The following CPZ variants were observed in gnomAD, a reference collection of about 807,000 sequenced individuals.
CPZ encodes VEZT/CPZ fusion.
In CPZ, 103 loss-of-function variants were observed where a neutral mutation model predicts 61.8. The ratio of observed to expected loss-of-function variants is 1.67; its 90% CI spans 1.42 to 1.96. The LOEUF (loss-of-function observed/expected upper bound fraction) is 1.96, where lower values mean the gene tolerates loss of function less well. CPZ is among the 30% of genes most tolerant of loss of function. The pLI is 0.00. For missense variants in CPZ, 1,461 were observed against 914.9 expected (o/e 1.60, Z -7.70); for synonymous variants, 551 against 373.7 (o/e 1.47, Z -5.47).
chr4:8,609,133 CATTT>C (rs777419269), intron 7 of CPZ, among the ~76,000 whole-genome samples: 76 of 22,810 alleles, frequency 3.3e-3, no homozygotes, highest in Non-Finnish European at 5.6e-3. Context: ...CTCATTCACT[CATTT>C]ACTCATTCAC....
intron 8 of CPZ, 59 bp downstream of exon 8, chr4:8,612,221 G>GGC: frequency 5.8e-5 from 12 of 206,186 alleles, no homozygotes; most frequent in East Asian, 1.6e-4. Context: ...GCTGGGTGGG[G>GGC]CAGGGGCAAG....
chr4:8,596,665 C>G (rs1458322235), intron 1 of CPZ, among the ~76,000 whole-genome samples: 1 of 151,332 alleles, frequency 6.6e-6, no homozygotes, highest in Non-Finnish European at 1.5e-5. Context: ...GATCCTTATC[C>G]CAATCTACAC....
At chr4:8,614,168 G>A (rs1286668518) in intron 8 of CPZ, among the ~76,000 whole-genome samples, 191 bp from the exon 9 acceptor site, 3 of 152,206 alleles carry the variant, frequency 2.0e-5, no homozygotes, top group African/African-American at 7.2e-5. Context: ...CTGCAGGAGG[G>A]GCGTCTGTGG....
intron 7 of CPZ, chr4:8,611,297 G>GA: frequency 2.2e-6 from 1 of 456,182 alleles, no homozygotes; most frequent in Non-Finnish European, 4.4e-6. Flanking sequence ...AGACGGCCCA[G>GA]AGCCCCCACA....
intron 4 of CPZ, 135 bp from the exon 5 acceptor site, chr4:8,605,854 A>C: frequency 2.4e-6 from 2 of 837,476 alleles, no homozygotes; most frequent in Admixed American, 2.8e-5. Flanking sequence ...CTCATTATAT[A>C]CAGAGGTTCT....
chr4:8,616,294 G>C (rs1003049885), intron 9 of CPZ, among the ~76,000 whole-genome samples: 1 of 152,148 alleles, frequency 6.6e-6, no homozygotes, highest in Non-Finnish European at 1.5e-5. Flanking sequence ...GGGAGGGGCG[G>C]CGTGGCAGCT....
chr4:8,615,005 G>A (rs913451695), intron 9 of CPZ, among the ~76,000 whole-genome samples: 15 of 152,098 alleles, frequency 9.9e-5, no homozygotes, highest in East Asian at 1.9e-4. Context: ...GGGATGGGGC[G>A]GGCACTGTGC....
At position 8,606,932 on chromosome 4, in the gene CPZ, C is replaced by T. The variant is rs554489737; in HGVS notation, c.1068+34C>T. On this transcript the variant is annotated intron_variant, in intron 6 of 10. Coordinates refer to ENST00000360986, the MANE Select transcript of CPZ (RefSeq NM_001014447.3). ...CGCCGCTGCCCATGCTGGTCTCCACCAAGGCATCCAGGGGTCCCTAGTTAT... is the reference window on the plus strand; with the variant it reads ...CGCCGCTGCCCATGCTGGTCTCCACTAAGGCATCCAGGGGTCCCTAGTTAT... 12 of 1,557,582 alleles carry T rather than the reference C, an allele frequency of 7.7e-6. No homozygotes were observed. The African/African-American group carries it at 1.5e-4, about 19-fold the overall frequency.
intron 9 of CPZ, 162 bp from the exon 10 acceptor site, chr4:8,618,267 A>G: frequency 1.6e-6 from 1 of 629,544 alleles, no homozygotes; most frequent in Non-Finnish European, 2.8e-6. Flanking sequence ...GGAGTGACTG[A>G]CTCGTTAAAG....
intron 9 of CPZ, among the ~76,000 whole-genome samples, chr4:8,617,095 A>C (rs1250847808): frequency 1.3e-5 from 2 of 152,222 alleles, no homozygotes; most frequent in East Asian, 3.8e-4. Flanking sequence ...GTGAGCCTGG[A>C]ACAGCAGTTA....
Position 8,619,475 on chromosome 4 carries a change from G to A in CPZ, c.1817G>A (p.Gly606Asp), listed in dbSNP as rs755964538. 3 of 1,609,646 alleles carry A rather than the reference G, an allele frequency of 1.9e-6. No individual in the cohort carries two copies. The highest frequency in any genetic ancestry group is 2.7e-5 in the African/African-American group (2 of 74,816). The change falls in exon 11 of 11, where the codon GGT (glycine) becomes GAT (aspartate). Residue 606 changes from glycine to aspartate, a missense_variant. Transcript: ENST00000360986. ...ACTGGGCCCCACGACCCACTGGGAG[G>A]TGCCAGCTCTTTGGGGGAGGCCACG... Reference protein sequence around the residue: ...RRTGPHDPLGGASSLGEATEP... With the variant: ...RRTGPHDPLGDASSLGEATEP...
In CPZ at chr4:8,612,013, G is replaced by T. The variant is rs1461456072; in HGVS notation, c.1228-14G>T. 3 of 1,613,774 alleles carry T rather than the reference G, an allele frequency of 1.9e-6. No individual in the cohort carries two copies. Among genetic ancestry groups the T allele is most frequent in the Admixed American group, 1.7e-5 (1 of 59,980 alleles). ...GGGGACCCTTTCCTTATCTGAGCCAGGTTTCTTTTCCAGATGTTCAAGCTG... is the reference window on the plus strand; with the variant it reads ...GGGGACCCTTTCCTTATCTGAGCCATGTTTCTTTTCCAGATGTTCAAGCTG... On this transcript the variant is annotated splice_polypyrimidine_tract_variant and intron_variant, in intron 7 of 10. Transcript: ENST00000360986.
intron 8 of CPZ, among the ~76,000 whole-genome samples, chr4:8,612,891 T>C (rs4696862): frequency 0.9 from 136,798 of 152,294 alleles, 61,666 homozygotes; most frequent in East Asian, 0.96. Context: ...CTGCCCCCTC[T>C]TCCCATGCAG....
At chr4:8,605,105 C>A (rs953234346) in intron 4 of CPZ, among the ~76,000 whole-genome samples, 3 of 152,208 alleles carry the variant, frequency 2.0e-5, no homozygotes, top group Non-Finnish European at 2.9e-5. Context: ...CAGAAAGCTC[C>A]CAGGTCATTT....
At chr4:8,611,054 G>T in intron 7 of CPZ, 1 of 370,368 alleles carries the variant, frequency 2.7e-6, no homozygotes, top group Non-Finnish European at 5.6e-6. Flanking sequence ...TCACGCATTC[G>T]CTCACTCACT....
chr4:8,606,707 C>T (rs375073957), intron 5 of CPZ, 30 bp from the exon 6 acceptor site: 30 of 1,613,670 alleles, frequency 1.9e-5, no homozygotes, highest in African/African-American at 2.7e-5. Context: ...GTGCTGACCC[C>T]ACCCAGTCGG....
At chr4:8,606,593 C>G (rs1204952837) in intron 5 of CPZ, 144 bp from the exon 6 acceptor site, 1 of 1,040,366 alleles carries the variant, frequency 9.6e-7, no homozygotes, top group Non-Finnish European at 1.5e-6. Context: ...GGCCAAGGGT[C>G]AGGCATGCCC....
intron 6 of CPZ, 81 bp downstream of exon 6, chr4:8,606,979 C>A: frequency 1.4e-6 from 2 of 1,471,424 alleles, no homozygotes; most frequent in Non-Finnish European, 1.8e-6. Flanking sequence ...TGGAGTTGTC[C>A]TTCCCTGGGG....
At chr4:8,618,796 C>T (rs1046764915) in intron 10 of CPZ, among the ~76,000 whole-genome samples, 6 of 152,210 alleles carry the variant, frequency 3.9e-5, no homozygotes, top group Non-Finnish European at 7.3e-5. Context: ...GCCGCCTCCT[C>T]CAACATTGCC....
Sources: gnomAD v4.1 joint callset for allele counts (sites outside exome capture counted in the v4.1 genomes callset) on GRCh38, gnomAD v4.1.1 for gene constraint, MANE v1.5 for transcripts, NCBI Gene and HGNC (gene_info 2026-07-23, HGNC 2026-07-21) for gene names.